The following MYOZ3 variants were observed in gnomAD, a reference collection of about 807,000 sequenced individuals.
MYOZ3 encodes myozenin-3.
In MYOZ3, 19 loss-of-function variants were observed where a neutral mutation model predicts 26.5. The observed-to-expected ratio is 0.72, with a 90% confidence interval of 0.50 to 1.05. The LOEUF (loss-of-function observed/expected upper bound fraction) is 1.05, where lower values mean the gene tolerates loss of function less well. MYOZ3 is among the 50% of genes least tolerant of loss of function. The pLI is 0.00. For synonymous variants in MYOZ3, 135 were observed against 138.8 expected (o/e 0.97, Z 0.19); for missense variants, 322 against 337.1 (o/e 0.96, Z 0.35).
At chr5:150,674,416 G>C (rs1422928518) in intron 6 of MYOZ3, among the ~76,000 whole-genome samples, 2 of 152,262 alleles carry the variant, frequency 1.3e-5, no homozygotes, top group African/African-American at 4.8e-5. Flanking sequence ...CTGAGGCATA[G>C]AGAAGAGAAA....
rs535501343 is a variant in MYOZ3 at position 150,673,587 on chromosome 5, G to C, written c.587+1085G>C. On this transcript the variant is annotated intron_variant, in intron 6 of 6. Coordinates refer to ENST00000517768, the MANE Select transcript of MYOZ3 (RefSeq NM_001122853.3). The stretch of plus-strand genomic sequence containing the variant: ...GAACTCCTGAACTCGTGATCCACCC[G>C]CCTTTGCCTCCCAAAGTGCTGGGAT... Among the ~76,000 whole-genome samples, 8 of 152,254 alleles carry C rather than the reference G, an allele frequency of 5.3e-5. 1 individual carries two copies. In the South Asian group the frequency reaches 1.7e-3, roughly 32 times the overall value.
At chr5:150,666,511 G>C (rs529649609) in intron 2 of MYOZ3, among the ~76,000 whole-genome samples, 66 of 150,662 alleles carry the variant, frequency 4.4e-4, no homozygotes, top group African/African-American at 1.5e-3. Context: ...TTACTTGCGA[G>C]ACTGAGGCAG....
intron 6 of MYOZ3, among the ~76,000 whole-genome samples, chr5:150,673,670 A>G (rs6881464): frequency 0.085 from 12,976 of 152,182 alleles, 1,731 homozygotes; most frequent in African/African-American, 0.28. Flanking sequence ...GCTGAGATGA[A>G]GTTTGGACAG....
intron 2 of MYOZ3, among the ~76,000 whole-genome samples, chr5:150,667,459 T>C (rs986895966): frequency 6.6e-6 from 1 of 152,188 alleles, no homozygotes; most frequent in Admixed American, 6.5e-5. Context: ...TCTGATATGG[T>C]GGATGGACTC....
chr5:150,667,679 A>G (rs546558541), intron 2 of MYOZ3, among the ~76,000 whole-genome samples: 5 of 152,354 alleles, frequency 3.3e-5, no homozygotes, highest in Middle Eastern at 6.8e-3. Flanking sequence ...GTCTGTAGCC[A>G]GGATCCTTTA....
intron 2 of MYOZ3, among the ~76,000 whole-genome samples, chr5:150,667,379 A>C (rs1168730491): frequency 1.3e-5 from 2 of 152,150 alleles, no homozygotes; most frequent in Non-Finnish European, 2.9e-5. Context: ...CCAGAAGAGA[A>C]CATCTGCAAG....
At position 150,670,432 on chromosome 5, in the gene MYOZ3, G is replaced by A. The variant is rs1581534504; in HGVS notation, c.62-52G>A. 11 of 1,540,228 alleles carry A rather than the reference G, an allele frequency of 7.1e-6. No homozygotes were observed. The Admixed American group carries it at 1.9e-4, about 26-fold the overall frequency. Reference sequence around the variant, plus strand: ...TGCCATGCTTCGAGAGGTGGGGCCTGGAGTGTATGGGGGATGGGGTGGTGA... The same window carrying A: ...TGCCATGCTTCGAGAGGTGGGGCCTAGAGTGTATGGGGGATGGGGTGGTGA... On this transcript the variant is annotated intron_variant, in intron 2 of 6. Transcript: ENST00000517768.
chr5:150,671,755 G>A lies in MYOZ3; in HGVS notation c.271G>A (p.Val91Ile), dbSNP rs1561670961. ...KVTGTAESGT[V>I]ANANGPEGPN... is the part of the protein sequence containing the mutation. ...TCTGAGAACCCGCCCCTGTGCCCAG[G>A]TTGCCAATGCCAATGGCCCTGAGGG... Residue 91 changes from valine to isoleucine, a missense_variant and splice_region_variant, in exon 5 of 7, where the codon GTT (valine) becomes ATT (isoleucine). By Grantham distance (29) the Val-to-Ile change is conservative (BLOSUM62 3). Transcript: ENST00000517768. 6.2e-7 allele frequency: 1 copy of A among 1,613,256 alleles called. No individual in the cohort carries two copies. The highest frequency in any genetic ancestry group is 8.5e-7 in the Non-Finnish European group (1 of 1,179,974).
At chr5:150,663,183 G>A (rs564756594) in intron 2 of MYOZ3, among the ~76,000 whole-genome samples, 181 bp downstream of exon 2, 48 of 152,354 alleles carry the variant, frequency 3.2e-4, no homozygotes, top group African/African-American at 1.1e-3. Context: ...GGCACTGGGA[G>A]GGGTCTTGCC....
chr5:150,672,655 C>A (rs1262717775), intron 6 of MYOZ3, 153 bp downstream of exon 6: 1 of 856,486 alleles, frequency 1.2e-6, no homozygotes, highest in Non-Finnish European at 1.8e-6. Flanking sequence ...GCTGGAACAG[C>A]GCCTCCGCAC....
At chr5:150,665,490 C>T (rs936237209) in intron 2 of MYOZ3, among the ~76,000 whole-genome samples, 4 of 152,234 alleles carry the variant, frequency 2.6e-5, no homozygotes, top group African/African-American at 9.6e-5. Context: ...TTAAACCCCA[C>T]TGCAATAAAC....
chr5:150,671,378 T>C, intron 3 of MYOZ3: 1 of 589,748 alleles, frequency 1.7e-6, no homozygotes, highest in Non-Finnish European at 3.0e-6. Flanking sequence ...TTAAGTATCT[T>C]GCCCGGACTC....
intron 6 of MYOZ3, among the ~76,000 whole-genome samples, chr5:150,675,372 C>CT (rs144309015): frequency 1.3e-5 from 2 of 150,946 alleles, no homozygotes; most frequent in Non-Finnish European, 1.5e-5. Context: ...TTTTCTTTTT[C>CT]TTTTTTTTTC....
chr5:150,672,070 G>A lies in MYOZ3; in HGVS notation c.424+162G>A, dbSNP rs1460504085. The stretch of plus-strand genomic sequence containing the variant: ...TCGCCAGACCACGAGCCGGAGGGGC[G>A]CCGCGCCCCAGGTCACACAGCGAGT... On this transcript the variant is annotated intron_variant, in intron 5 of 6. Transcript: ENST00000517768. The A allele has an allele frequency of 1.1e-5, 13 of 1,204,454 alleles. 1 individual carries two copies. The highest frequency in any genetic ancestry group is 1.5e-5 in the Non-Finnish European group (13 of 857,114). The allele number at this position is 1,204,454 out of a possible 1,614,324, so 74.6% of individuals were successfully genotyped here.
Position 150,675,243 on chromosome 5 carries a change from T to G in MYOZ3, c.588-1464T>G, listed in dbSNP as rs551094229. Among the ~76,000 whole-genome samples, 5 of 152,178 alleles carry G rather than the reference T, an allele frequency of 3.3e-5. No individual in the cohort carries two copies. In the South Asian group the frequency reaches 8.3e-4, roughly 25 times the overall value. On this transcript the variant is annotated intron_variant, in intron 6 of 6. Transcript: ENST00000517768. The stretch of plus-strand genomic sequence containing the variant: ...AATGGCGTTTGTGTGTGTGTGGGGG[T>G]GTGTGTGTTAATACTTTGCACTTCA...
chr5:150,666,050 A>G (rs998543176), intron 2 of MYOZ3, among the ~76,000 whole-genome samples: 6 of 151,964 alleles, frequency 3.9e-5, no homozygotes, highest in African/African-American at 1.2e-4. Context: ...AAAAAAAAAA[A>G]AAGAACAATA....
chr5:150,671,998 C>G, intron 5 of MYOZ3, 90 bp downstream of exon 5: 1 of 1,436,664 alleles, frequency 7.0e-7, no homozygotes, highest in South Asian at 1.4e-5. Flanking sequence ...ACCCAGAAGG[C>G]TAGTCCGCCC....
rs1290846967 is a variant in MYOZ3 at position 150,678,830 on chromosome 5, C to G, written c.*1955C>G. On this transcript the variant is annotated 3_prime_UTR_variant, in exon 7 of 7. Coordinates refer to ENST00000517768, the MANE Select transcript of MYOZ3 (RefSeq NM_001122853.3). ...GGAAAAGTTGTTCTTGCACTGGATGCAGCATGAGAAGCTGGCTGCTAAGAT... is the reference window on the plus strand; with the variant it reads ...GGAAAAGTTGTTCTTGCACTGGATGGAGCATGAGAAGCTGGCTGCTAAGAT... 6.6e-6 allele frequency: 1 copy of G among 152,368 alleles called. No individual in the cohort carries two copies. The highest frequency in any genetic ancestry group is 1.5e-5 in the Non-Finnish European group (1 of 68,082). The allele number at this position is 152,368 out of a possible 1,614,324, so 9.4% of individuals were successfully genotyped here. A position where few individuals can be genotyped will look rare whatever the true frequency, so the allele number is the denominator to read the frequency against.
intron 2 of MYOZ3, among the ~76,000 whole-genome samples, chr5:150,666,066 C>G (rs984391177): frequency 3.3e-5 from 5 of 150,076 alleles, no homozygotes; most frequent in Non-Finnish European, 7.4e-5. Flanking sequence ...CAATATTGAG[C>G]TCAGCTCATC....
Sources: allele counts gnomAD v4.1 joint callset (sites outside exome capture counted in the v4.1 genomes callset), GRCh38; gene constraint gnomAD v4.1.1; transcripts MANE v1.5; gene names NCBI Gene and HGNC (gene_info 2026-07-23, HGNC 2026-07-21).